The following PDE1A variants were observed in gnomAD, a reference collection of about 807,000 sequenced individuals.
PDE1A encodes dual specificity calcium/calmodulin-dependent 3',5'-cyclic nucleotide phosphodiesterase 1A.
In PDE1A, 35 loss-of-function variants were observed where a neutral mutation model predicts 61.7. The observed-to-expected ratio is 0.57, with a 90% CI of 0.43 to 0.75. The LOEUF (loss-of-function observed/expected upper bound fraction) is 0.75, where lower values mean the gene tolerates loss of function less well. PDE1A is among the 30% of genes least tolerant of loss of function. PDE1A has a pLI of 0.00. For synonymous variants in PDE1A, 232 were observed against 213.2 expected, an observed-to-expected ratio of 1.09 and a Z score of -0.77; for missense variants, 597 against 630.6, an observed-to-expected ratio of 0.95 and a Z score of 0.57.
chr2:182,565,911 AC>A, the PDE1A span, among the ~76,000 whole-genome samples: 2 of 152,012 alleles, frequency 1.3e-5, no homozygotes, highest in African/African-American at 4.8e-5. Context: ...CACCATCACT[AC>A]CCTGATAAGC....
At chr2:182,367,580 C>T (rs144889436) in intron 1 of PDE1A, among the ~76,000 whole-genome samples, 1,903 of 151,986 alleles carry the variant, frequency 0.013, 24 homozygotes, top group South Asian at 0.048. Context: ...GTTAATTTCT[C>T]GATAGAAGAA....
At chr2:182,679,589 A>C in the PDE1A span, among the ~76,000 whole-genome samples, 1 of 152,094 alleles carries the variant, frequency 6.6e-6, no homozygotes, top group Non-Finnish European at 1.5e-5. Flanking sequence ...ATTACGTGTC[A>C]ATTACAAATA....
In PDE1A at chr2:182,201,438, C is replaced by A; in HGVS notation, c.1125+1G>T. On this transcript the variant is annotated splice_donor_variant, in intron 10 of 13. Coordinates refer to ENST00000351439, the Ensembl canonical transcript of PDE1A. LOFTEE classifies it high-confidence loss of function. ...ATTTGCACAGAGTGTGAAAGAGGCA[C>A]CTGCAGGAAAAACTCCTCCATTAGG... is the stretch of plus-strand genomic sequence containing the variant. 1 of 1,613,614 alleles carries A rather than the reference C, an allele frequency of 6.2e-7. No homozygotes were observed. The highest frequency in any genetic ancestry group is 1.1e-5 in the South Asian group (1 of 91,024).
chr2:182,326,462 A>G (rs1697054623), intron 1 of PDE1A, among the ~76,000 whole-genome samples: 1 of 152,216 alleles, frequency 6.6e-6, no homozygotes, highest in Non-Finnish European at 1.5e-5. Context: ...AATAAGTTAG[A>G]TGCAAAAAAG....
intron 2 of PDE1A, among the ~76,000 whole-genome samples, chr2:182,492,602 C>T (rs997935225): frequency 2.0e-5 from 3 of 152,138 alleles, no homozygotes; most frequent in Non-Finnish European, 4.4e-5. Context: ...TAAATTATCA[C>T]TTTTGCCTAT....
chr2:182,210,614 T>C (rs565309732), intron 7 of PDE1A, among the ~76,000 whole-genome samples: 1 of 152,306 alleles, frequency 6.6e-6, no homozygotes, highest in East Asian at 1.9e-4. Flanking sequence ...CTTTTTAGTC[T>C]CTTGATAGTG....
chr2:182,510,340 G>C (rs940160838), intron 2 of PDE1A, among the ~76,000 whole-genome samples: 1 of 152,122 alleles, frequency 6.6e-6, no homozygotes, highest in Non-Finnish European at 1.5e-5. Context: ...ATGTGGAATA[G>C]TGTGATTCTC....
chr2:182,395,948 G>A (rs895902802), intron 1 of PDE1A, among the ~76,000 whole-genome samples: 2 of 152,146 alleles, frequency 1.3e-5, no homozygotes, highest in East Asian at 1.9e-4. Context: ...CATGAACTTG[G>A]TGCTTTCTTA....
At chr2:182,182,064 T>C (rs1220822462) in intron 13 of PDE1A, among the ~76,000 whole-genome samples, 2 of 152,208 alleles carry the variant, frequency 1.3e-5, no homozygotes, top group African/African-American at 4.8e-5. Context: ...GCTGTGAATA[T>C]TTTAGACATG....
intron 7 of PDE1A, among the ~76,000 whole-genome samples, chr2:182,215,847 A>G (rs1487963626): frequency 2.3e-5 from 2 of 88,488 alleles, no homozygotes; most frequent in African/African-American, 4.6e-5. Flanking sequence ...ACAAGGAGGA[A>G]CTGGTACCAT....
At chr2:182,678,120 C>T in the PDE1A span, among the ~76,000 whole-genome samples, 685 of 152,242 alleles carry the variant, frequency 4.5e-3, 1 homozygote, top group Non-Finnish European at 7.7e-3. Flanking sequence ...TTAGTTGTAA[C>T]GCCATTAAGA....
intron 7 of PDE1A, among the ~76,000 whole-genome samples, chr2:182,207,072 T>C (rs1182345911): frequency 6.6e-6 from 1 of 152,164 alleles, no homozygotes; most frequent in Non-Finnish European, 1.5e-5. Context: ...GGGGTATTGC[T>C]ATAAAGATAC....
chr2:182,601,774 A>G, the PDE1A span, among the ~76,000 whole-genome samples: 1 of 152,258 alleles, frequency 6.6e-6, no homozygotes, highest in South Asian at 2.1e-4. Flanking sequence ...TGCAGCTCTT[A>G]GCAGAGTAGA....
chr2:182,349,571 T>G (rs993963739), intron 1 of PDE1A, among the ~76,000 whole-genome samples: 6 of 152,192 alleles, frequency 3.9e-5, no homozygotes, highest in African/African-American at 1.4e-4. Context: ...TTAGAAAGAT[T>G]AAGATTTGTC....
chr2:182,273,604 T>A (rs1250512522), intron 1 of PDE1A, among the ~76,000 whole-genome samples: 1 of 152,004 alleles, frequency 6.6e-6, no homozygotes, highest in African/African-American at 2.4e-5. Flanking sequence ...GAAAGAGAAA[T>A]ATGATGAAAC....
At chr2:182,671,249 G>T in the PDE1A span, among the ~76,000 whole-genome samples, 1 of 149,112 alleles carries the variant, frequency 6.7e-6, no homozygotes, top group African/African-American at 2.5e-5. Context: ...TCAGCTCACT[G>T]CAAGCTCCAC....
chr2:182,156,625 G>T (rs948632710), intron 13 of PDE1A, among the ~76,000 whole-genome samples: 4 of 152,192 alleles, frequency 2.6e-5, no homozygotes, highest in African/African-American at 9.7e-5. Context: ...TTGAAATTCA[G>T]TTCTTCAGGG....
the PDE1A span, among the ~76,000 whole-genome samples, chr2:182,696,143 C>T: frequency 3.3e-5 from 5 of 152,136 alleles, no homozygotes; most frequent in African/African-American, 4.8e-5. Flanking sequence ...AACTTATGTC[C>T]GCACAAAAAC....
chr2:182,147,159 A>G lies in PDE1A; in HGVS notation c.1517-7T>C. ...TTATGAAGATCAGATTCACCTAAAAATATAAGGAAACAAAAGCAAAACAAA... is the reference window on the plus strand; with the variant it reads ...TTATGAAGATCAGATTCACCTAAAAGTATAAGGAAACAAAAGCAAAACAAA... On this transcript the variant is annotated splice_polypyrimidine_tract_variant and splice_region_variant and intron_variant, in intron 13 of 13. Transcript: ENST00000409365. The G allele has an allele frequency of 6.4e-7, 1 of 1,553,608 alleles. No homozygotes were observed. The highest frequency in any genetic ancestry group is 8.8e-7 in the Non-Finnish European group (1 of 1,133,140).
Sources: allele counts gnomAD v4.1 joint callset (sites outside exome capture counted in the v4.1 genomes callset), GRCh38; gene constraint gnomAD v4.1.1; transcripts MANE v1.5; gene names NCBI Gene and HGNC (gene_info 2026-07-23, HGNC 2026-07-21).